The following SDK1 variants were observed in gnomAD, a reference collection of about 807,000 sequenced individuals.
SDK1 encodes protein sidekick-1.
Under a neutral mutation model 245.5 loss-of-function variants are expected in SDK1, and 157 were observed. That is an observed-to-expected ratio of 0.64 (90% CI 0.56 to 0.73). The LOEUF is 0.73. Among genes scored for constraint, SDK1 ranks in the 30% least tolerant of loss-of-function variants. The probability of loss-of-function intolerance (pLI) is 0.00; values close to 1 mark genes in which losing one functional copy is unlikely to be tolerated. For synonymous variants in SDK1, 1,647 were observed against 1,278.5 expected, an observed-to-expected ratio of 1.29 and a Z score of -6.15; for missense variants, 3,583 against 3,002.3, an observed-to-expected ratio of 1.19 and a Z score of -4.52.
intron 1 of SDK1, among the ~76,000 whole-genome samples, chr7:3,591,374 C>G (rs752546510): frequency 2.0e-5 from 3 of 152,218 alleles, no homozygotes; most frequent in Non-Finnish European, 2.9e-5. Flanking sequence ...GTACTTTCAT[C>G]TGATTGACCT....
intron 19 of SDK1, among the ~76,000 whole-genome samples, chr7:4,066,154 C>T (rs949574430): frequency 1.3e-5 from 2 of 152,110 alleles, no homozygotes; most frequent in Admixed American, 6.6e-5. Flanking sequence ...TCCCTTTTCC[C>T]CGGTTCTGCC....
chr7:4,149,307 T>G lies in SDK1; in HGVS notation c.4469T>G (p.Val1490Gly). The G allele has an allele frequency of 6.3e-7, 1 of 1,584,530 alleles. No homozygotes were observed. The highest frequency in any genetic ancestry group is 8.6e-7 in the Non-Finnish European group (1 of 1,165,248). The stretch of plus-strand genomic sequence containing the variant: ...GAGCTCCTGGTGCCCCAGGCAGAAG[T>G]GACCGCACGCAGCCTCCGGCTCCAG... ...PRELLVPQAE[V>G]TARSLRLQWV... The change falls in exon 30 of 45, where the codon GTG (valine) becomes GGG (glycine). Residue 1490 changes from valine (V) to glycine (G), a missense_variant. By Grantham distance (109) the Val-to-Gly change is moderately radical (BLOSUM62 -3). Coordinates refer to ENST00000404826, the MANE Select transcript of SDK1 (RefSeq NM_152744.4).
rs28581916 is a variant in SDK1 at position 3,869,473 on chromosome 7, T to C, written c.847+47890T>C. ...GCCTGGCCTGTATTTTTCATTCCTC[T>C]AAGATTTCAGTCAGGTGTGCAAGCC... On this transcript the variant is annotated intron_variant, in intron 5 of 44. Transcript: ENST00000404826. Among the ~76,000 whole-genome samples, 1,257 of 152,178 alleles carry C rather than the reference T, an allele frequency of 8.3e-3. 22 individuals are homozygous for C. The highest frequency in any genetic ancestry group is 0.029 in the African/African-American group (1,186 of 41,526).
At chr7:4,186,312 G>A (rs987626529) in intron 35 of SDK1, among the ~76,000 whole-genome samples, 1 of 152,112 alleles carries the variant, frequency 6.6e-6, no homozygotes, top group Non-Finnish European at 1.5e-5. Flanking sequence ...GGAACTGCAA[G>A]AGCAGGACCT....
At position 3,798,091 on chromosome 7, in the gene SDK1, T is replaced by A. The variant is rs973686795; in HGVS notation, c.714-23359T>A. Among the ~76,000 whole-genome samples the A allele has an allele frequency of 1.1e-4, 17 of 152,222 alleles. 1 individual carries two copies. The highest frequency in any genetic ancestry group is 4.1e-4 in the South Asian group (2 of 4,826). On this transcript the variant is annotated intron_variant, in intron 4 of 44. Transcript: ENST00000404826. ...ATTTACTAGAGCCTTTTTCCCAGTT[T>A]TTTTTCCTGATTATCTTTTCCTGTT...
intron 1 of SDK1, among the ~76,000 whole-genome samples, chr7:3,480,004 C>G (rs1781462963): frequency 6.6e-6 from 1 of 152,102 alleles, no homozygotes; most frequent in Non-Finnish European, 1.5e-5. Flanking sequence ...CCTGTCCACG[C>G]CCAAAGTAAA....
intron 38 of SDK1, among the ~76,000 whole-genome samples, chr7:4,219,439 G>T (rs1039815946): frequency 1.3e-5 from 2 of 152,222 alleles, no homozygotes; most frequent in African/African-American, 4.8e-5. Context: ...GAAGGCAAAG[G>T]AGAAGCAAAG....
chr7:3,531,183 G>A (rs1437478738), intron 1 of SDK1, among the ~76,000 whole-genome samples: 1 of 152,152 alleles, frequency 6.6e-6, no homozygotes, highest in African/African-American at 2.4e-5. Flanking sequence ...AGGGTTTGCA[G>A]TTGATCTTCA....
At chr7:3,700,496 A>G (rs1784709716) in intron 4 of SDK1, among the ~76,000 whole-genome samples, 1 of 152,232 alleles carries the variant, frequency 6.6e-6, no homozygotes, top group South Asian at 2.1e-4. Flanking sequence ...CTAACACACC[A>G]TAAGCCTTGT....
At chr7:3,690,870 A>ACC (rs1784421256) in intron 4 of SDK1, among the ~76,000 whole-genome samples, 1 of 151,920 alleles carries the variant, frequency 6.6e-6, no homozygotes, top group Non-Finnish European at 1.5e-5. Flanking sequence ...CATAATAGAC[A>ACC]GTCTCAAAAC....
At chr7:3,633,196 T>A (rs78800733) in intron 2 of SDK1, among the ~76,000 whole-genome samples, 4,330 of 152,296 alleles carry the variant, frequency 0.028, 207 homozygotes, top group African/African-American at 0.1. Flanking sequence ...AAAATTAAAG[T>A]TGTGGAGAAT....
chr7:4,055,416 G>T (rs1246302092), intron 19 of SDK1, among the ~76,000 whole-genome samples: 1 of 152,182 alleles, frequency 6.6e-6, no homozygotes, highest in Non-Finnish European at 1.5e-5. Context: ...TGCAGGATCT[G>T]TAGTGATGTC....
In SDK1 at chr7:3,735,161, A is replaced by G. The variant is rs569341818; in HGVS notation, c.714-86289A>G. Among the ~76,000 whole-genome samples the G allele has an allele frequency of 7.2e-5, 11 of 152,186 alleles. No individual in the cohort carries two copies. The East Asian group carries it at 7.7e-4, about 11-fold the overall frequency. Reference sequence around the variant, plus strand: ...GTTTCTTCTCAACTTAAAAAAAAAAATTAATTGTGGTAGAATGTTCATAAC... The same window carrying G: ...GTTTCTTCTCAACTTAAAAAAAAAAGTTAATTGTGGTAGAATGTTCATAAC... On this transcript the variant is annotated intron_variant, in intron 4 of 44. Transcript: ENST00000404826.
intron 1 of SDK1, among the ~76,000 whole-genome samples, chr7:3,450,132 G>T (rs1400299629): frequency 1.3e-5 from 2 of 152,236 alleles, no homozygotes; most frequent in African/African-American, 4.8e-5. Flanking sequence ...ATGGAAATGT[G>T]TGTGGTAAAG....
chr7:4,098,117 A>G (rs1782278796), intron 22 of SDK1, among the ~76,000 whole-genome samples: 1 of 152,186 alleles, frequency 6.6e-6, no homozygotes, highest in Non-Finnish European at 1.5e-5. Context: ...ACCAGCATAC[A>G]AAATCTATAT....
At chr7:3,625,044 A>T (rs1307454509) in intron 2 of SDK1, among the ~76,000 whole-genome samples, 1 of 152,202 alleles carries the variant, frequency 6.6e-6, no homozygotes, top group Non-Finnish European at 1.5e-5. Context: ...TGTCTCAAAA[A>T]TAAAAATTAA....
chr7:3,312,901 A>G (rs1779584224), intron 1 of SDK1, among the ~76,000 whole-genome samples: 1 of 152,226 alleles, frequency 6.6e-6, no homozygotes, highest in African/African-American at 2.4e-5. Flanking sequence ...AGTAAACCCC[A>G]CACAGGATAA....
At chr7:3,514,239 C>A (rs1470652344) in intron 1 of SDK1, among the ~76,000 whole-genome samples, 1 of 152,120 alleles carries the variant, frequency 6.6e-6, no homozygotes, top group Non-Finnish European at 1.5e-5. Context: ...TTACAATGGA[C>A]ATTTCTGCAT....
chr7:3,770,799 T>C (rs554103772), intron 4 of SDK1, among the ~76,000 whole-genome samples: 26 of 152,260 alleles, frequency 1.7e-4, no homozygotes, highest in African/African-American at 6.0e-4. Context: ...CCTGTTCAGC[T>C]CAGGTAAGGG....
Sources: gnomAD v4.1 joint callset for allele counts (sites outside exome capture counted in the v4.1 genomes callset) on GRCh38, gnomAD v4.1.1 for gene constraint, MANE v1.5 for transcripts, NCBI Gene and HGNC (gene_info 2026-07-23, HGNC 2026-07-21) for gene names.